Variants in PHACTR3 observed in about 807,000 individuals in gnomAD.
PHACTR3 encodes phosphatase and actin regulator 3, also known as protein phosphatase 1, regulatory subunit 123.
PHACTR3 carries 16 observed loss-of-function variants against 66.8 expected under a neutral mutation model. The ratio of observed to expected loss-of-function variants is 0.24; its 90% confidence interval spans 0.16 to 0.36. The LOEUF (loss-of-function observed/expected upper bound fraction) is 0.36, where lower values mean the gene tolerates loss of function less well. Among genes scored for constraint, PHACTR3 ranks in the 10% least tolerant of loss-of-function variants. The pLI is 1.00. For missense variants in PHACTR3, 647 were observed against 719.9 expected (o/e 0.90, Z 1.16); for synonymous variants, 323 against 292.1 (o/e 1.11, Z -1.08).
In PHACTR3 at chr20:59,622,453, A is replaced by G. The variant is rs148469427; in HGVS notation, c.118+17321A>G. On this transcript the variant is annotated intron_variant, in intron 1 of 12. Coordinates refer to ENST00000371015, the MANE Select transcript of PHACTR3 (RefSeq NM_080672.5). ...TGCAGGATTTTAACATTACAGTGACATAACTGTAATTTACCTACTGGTAAA... is the reference window on the plus strand; with the variant it reads ...TGCAGGATTTTAACATTACAGTGACGTAACTGTAATTTACCTACTGGTAAA... Among the ~76,000 whole-genome samples, 616 of 152,308 alleles carry G rather than the reference A, an allele frequency of 4.0e-3. 3 individuals carry two copies. Among genetic ancestry groups the G allele is most frequent in the Non-Finnish European group, 7.5e-3 (510 of 68,030 alleles).
chr20:59,697,710 C>T (rs1403679327), intron 1 of PHACTR3, among the ~76,000 whole-genome samples: 2 of 152,166 alleles, frequency 1.3e-5, no homozygotes, highest in Non-Finnish European at 2.9e-5. Flanking sequence ...ACAAGCAGGA[C>T]ATTTTTCACC....
chr20:59,834,598 C>T (rs1179636560), intron 8 of PHACTR3, among the ~76,000 whole-genome samples: 1 of 152,168 alleles, frequency 6.6e-6, no homozygotes, highest in Non-Finnish European at 1.5e-5. Context: ...GATTACCCAC[C>T]CCCATCCTCA....
chr20:59,590,509 C>T (rs2033151790), intron 1 of PHACTR3, among the ~76,000 whole-genome samples: 1 of 152,156 alleles, frequency 6.6e-6, no homozygotes, highest in Non-Finnish European at 1.5e-5. Flanking sequence ...AGACTTTCAA[C>T]TTTGCCTGTT....
chr20:59,747,440 A>G (rs565627812), intron 2 of PHACTR3, among the ~76,000 whole-genome samples: 1 of 152,344 alleles, frequency 6.6e-6, no homozygotes, highest in Non-Finnish European at 1.5e-5. Context: ...CATTTGGTGA[A>G]GGGCAGGAAT....
intron 8 of PHACTR3, among the ~76,000 whole-genome samples, chr20:59,828,722 AGGAGGGGCTGCT>A (rs941869359): frequency 6.6e-6 from 1 of 151,954 alleles, no homozygotes; most frequent in Admixed American, 6.6e-5. Flanking sequence ...GGGTGGGAGT[AGGAGGGGCTGCT>A]GGAGGGGTCA....
chr20:59,654,575 G>A (rs938067187), intron 1 of PHACTR3, among the ~76,000 whole-genome samples: 1 of 152,004 alleles, frequency 6.6e-6, no homozygotes, highest in Non-Finnish European at 1.5e-5. Context: ...TGCCTCTAAA[G>A]GATTCTTTCC....
chr20:59,615,099 A>C (rs562734408), intron 1 of PHACTR3, among the ~76,000 whole-genome samples: 3 of 152,252 alleles, frequency 2.0e-5, no homozygotes, highest in East Asian at 1.9e-4. Flanking sequence ...CAGGTTTTCC[A>C]TCAAGAGGGG....
intron 1 of PHACTR3, among the ~76,000 whole-genome samples, chr20:59,624,903 C>G (rs1018331308): frequency 1.3e-5 from 2 of 152,134 alleles, no homozygotes; most frequent in African/African-American, 4.8e-5. Flanking sequence ...ATTATTAACT[C>G]AAGTTCATAC....
chr20:59,778,060 T>C (rs932789170), intron 7 of PHACTR3, among the ~76,000 whole-genome samples: 11 of 152,176 alleles, frequency 7.2e-5, no homozygotes, highest in African/African-American at 2.7e-4. Context: ...CGGATGACCC[T>C]GAAGTCCTCT....
intron 1 of PHACTR3, among the ~76,000 whole-genome samples, chr20:59,606,561 C>G (rs1411447450): frequency 6.6e-6 from 1 of 152,196 alleles, no homozygotes; most frequent in African/African-American, 2.4e-5. Flanking sequence ...GATGGATTGC[C>G]TTTCTCTGGG....
chr20:59,735,636 G>A lies in PHACTR3; in HGVS notation c.119-7471G>A, dbSNP rs186872042. On this transcript the variant is annotated intron_variant, in intron 1 of 12. Coordinates refer to ENST00000371015, the MANE Select transcript of PHACTR3 (RefSeq NM_080672.5). ...ACGAGGAACAGACCCTGGCTCCAGC[G>A]TTTGGCAGCCCTGCACTCCGGATTC... Among the ~76,000 whole-genome samples, 118 of 152,258 alleles carry A rather than the reference G, an allele frequency of 7.7e-4. 2 individuals are homozygous for A. The highest frequency in any genetic ancestry group is 2.8e-3 in the African/African-American group (115 of 41,558).
chr20:59,722,149 G>A (rs906012425), intron 1 of PHACTR3, among the ~76,000 whole-genome samples: 1 of 152,076 alleles, frequency 6.6e-6, no homozygotes. Flanking sequence ...GGAGAATGGT[G>A]TGAACCTGGG....
intron 1 of PHACTR3, among the ~76,000 whole-genome samples, chr20:59,664,031 G>T (rs1165835754): frequency 6.6e-6 from 1 of 152,134 alleles, no homozygotes; most frequent in Non-Finnish European, 1.5e-5. Context: ...GTTTTCTTGT[G>T]ATTCTCCCTT....
chr20:59,708,279 C>T (rs1228322003), intron 1 of PHACTR3, among the ~76,000 whole-genome samples: 1 of 152,154 alleles, frequency 6.6e-6, no homozygotes, highest in East Asian at 1.9e-4. Flanking sequence ...ACCATGGTGC[C>T]TGTGTCTCTC....
intron 1 of PHACTR3, among the ~76,000 whole-genome samples, chr20:59,629,824 G>A (rs1038146969): frequency 5.3e-5 from 8 of 152,204 alleles, no homozygotes; most frequent in African/African-American, 1.9e-4. Context: ...GACAGCCACT[G>A]TGGCCTTCCG....
chr20:59,746,153 C>T (rs1313398390), intron 2 of PHACTR3, among the ~76,000 whole-genome samples: 1 of 152,242 alleles, frequency 6.6e-6, no homozygotes, highest in Non-Finnish European at 1.5e-5. Context: ...TCTGTTTTCT[C>T]TGCCCAAAAA....
chr20:59,669,958 C>T (rs955616170), intron 1 of PHACTR3, among the ~76,000 whole-genome samples: 4 of 152,198 alleles, frequency 2.6e-5, no homozygotes, highest in African/African-American at 9.7e-5. Context: ...TAACTGTCTG[C>T]TTATCAATTG....
chr20:59,827,678 C>T (rs2042233472), intron 8 of PHACTR3, among the ~76,000 whole-genome samples: 1 of 152,130 alleles, frequency 6.6e-6, no homozygotes, highest in Non-Finnish European at 1.5e-5. Context: ...CTTTTCTGTG[C>T]TGCCCTGGGA....
chr20:59,644,355 CAGATATAAAA>C (rs1239673151), intron 1 of PHACTR3, among the ~76,000 whole-genome samples: 1 of 152,190 alleles, frequency 6.6e-6, no homozygotes, highest in Non-Finnish European at 1.5e-5. Context: ...ATATAAACAA[CAGATATAAAA>C]AGATATAAAA....
Sources: allele counts gnomAD v4.1 joint callset (sites outside exome capture counted in the v4.1 genomes callset), GRCh38; gene constraint gnomAD v4.1.1; transcripts MANE v1.5; gene names NCBI Gene and HGNC (gene_info 2026-07-23, HGNC 2026-07-21).